Variants in CCDC178 observed in about 807,000 individuals in gnomAD.
CCDC178 encodes coiled-coil domain-containing protein 178.
CCDC178 carries 126 observed loss-of-function variants against 117.4 expected under a neutral mutation model. The observed-to-expected ratio is 1.07, with a 90% confidence interval of 0.93 to 1.24. The LOEUF is 1.24. Ranked by LOEUF, CCDC178 falls within the 50% of genes most tolerant of loss-of-function variation. The pLI is 0.00. For synonymous variants in CCDC178, 283 were observed against 313.4 expected, an observed-to-expected ratio of 0.90 and a Z score of 1.02; for missense variants, 1,030 against 986.9, an observed-to-expected ratio of 1.04 and a Z score of -0.59.
intron 10 of CCDC178, among the ~76,000 whole-genome samples, 160 bp from the exon 11 acceptor site, chr18:33,323,793 G>T (rs2062549408): frequency 6.6e-6 from 1 of 151,690 alleles, no homozygotes; most frequent in East Asian, 1.9e-4. Flanking sequence ...AGCCCTGACA[G>T]GCATTAATGC....
chr18:32,974,388 C>T (rs78221829), intron 22 of CCDC178, among the ~76,000 whole-genome samples, 159 bp downstream of exon 22: 1,832 of 152,240 alleles, frequency 0.012, 19 homozygotes, highest in Non-Finnish European at 0.021. Context: ...TATGTGCTAA[C>T]TTACTGAATT....
At position 33,406,100 on chromosome 18, in the gene CCDC178, C is replaced by T. The variant is rs184665339; in HGVS notation, c.58+5931G>A. On this transcript the variant is annotated intron_variant, in intron 3 of 22. Transcript: ENST00000383096. ...AGAGAGAGAAGTAAGATATTAGTAT[C>T]ATAAACTTTTCTAAGTGTTAAAAAG... is the stretch of plus-strand genomic sequence containing the variant. 6.6e-5 allele frequency among the ~76,000 whole-genome samples: 10 copies of T among 152,064 alleles called. No homozygotes were observed. In the East Asian group the frequency reaches 1.9e-3, roughly 29 times the overall value.
At chr18:33,356,272 A>G in intron 7 of CCDC178, 52 bp downstream of exon 7, 1 of 1,433,858 alleles carries the variant, frequency 7.0e-7, no homozygotes, top group Non-Finnish European at 9.4e-7. Context: ...CAGATGATTG[A>G]AATTTGGACA....
intron 22 of CCDC178, among the ~76,000 whole-genome samples, chr18:32,964,428 A>G (rs1369066466): frequency 6.6e-6 from 1 of 151,970 alleles, no homozygotes; most frequent in Non-Finnish European, 1.5e-5. Context: ...CAAGTTTGCA[A>G]TGACATCCAT....
At chr18:32,994,579 G>T (rs1204000350) in intron 21 of CCDC178, among the ~76,000 whole-genome samples, 1 of 152,170 alleles carries the variant, frequency 6.6e-6, no homozygotes, top group African/African-American at 2.4e-5. Flanking sequence ...GAAAATAGAA[G>T]TTGACACACA....
intron 3 of CCDC178, among the ~76,000 whole-genome samples, chr18:33,403,099 T>TG (rs1281102092): frequency 3.9e-5 from 6 of 152,130 alleles, no homozygotes; most frequent in African/African-American, 1.4e-4. Context: ...AAAAGACCCA[T>TG]GAAAGCCCTA....
At chr18:33,207,206 A>G (rs1248139197) in intron 20 of CCDC178, among the ~76,000 whole-genome samples, 4 of 152,164 alleles carry the variant, frequency 2.6e-5, no homozygotes, top group Admixed American at 1.3e-4. Flanking sequence ...TAGAAAAAGA[A>G]CTAAATAAAC....
chr18:33,305,790 C>T (rs576759968), intron 11 of CCDC178, among the ~76,000 whole-genome samples: 7 of 152,224 alleles, frequency 4.6e-5, no homozygotes, highest in African/African-American at 1.7e-4. Flanking sequence ...ACAAAGTGGC[C>T]TTGGCTTCTC....
intron 11 of CCDC178, among the ~76,000 whole-genome samples, chr18:33,314,200 CAAAAAAAA>C (rs869127341): frequency 2.2e-4 from 14 of 62,440 alleles, no homozygotes; most frequent in Admixed American, 8.1e-4. Context: ...GACTCCGTCT[CAAAAAAAA>C]AAAAAAAAAA....
At chr18:33,086,373 T>G (rs1330847812) in intron 21 of CCDC178, among the ~76,000 whole-genome samples, 1 of 150,878 alleles carries the variant, frequency 6.6e-6, no homozygotes, top group Non-Finnish European at 1.5e-5. Context: ...TCTTATGTTT[T>G]ATATATATGT....
intron 20 of CCDC178, among the ~76,000 whole-genome samples, chr18:33,123,859 T>C (rs959150071): frequency 6.6e-6 from 1 of 152,116 alleles, no homozygotes; most frequent in Admixed American, 6.6e-5. Flanking sequence ...TCAGCAAATA[T>C]ATTACAAAAA....
Position 33,040,103 on chromosome 18 carries a change from A to G in CCDC178, c.2388+52658T>C, listed in dbSNP as rs1397047900. ...TTGGAAACGTTTCCATTTGACTACA[A>G]TTTGATGAGTTAGTGTACACATGAA... is the stretch of plus-strand genomic sequence containing the variant. On this transcript the variant is annotated intron_variant, in intron 21 of 22. Transcript: ENST00000383096. Among the ~76,000 whole-genome samples the G allele has an allele frequency of 3.9e-5, 6 of 151,980 alleles. No homozygotes were observed. The East Asian group carries it at 9.7e-4, about 24-fold the overall frequency.
At chr18:33,297,143 T>G (rs890617413) in intron 11 of CCDC178, among the ~76,000 whole-genome samples, 3 of 151,760 alleles carry the variant, frequency 2.0e-5, no homozygotes, top group African/African-American at 7.3e-5. Context: ...TTGAAATAAA[T>G]GAAAATAGAA....
intron 20 of CCDC178, among the ~76,000 whole-genome samples, chr18:33,179,078 A>AAAAT (rs71159804): frequency 0.014 from 784 of 55,666 alleles, 23 homozygotes; most frequent in Non-Finnish European, 0.018. Context: ...AAAAAAAAAA[A>AAAAT]ATATATATAT....
chr18:33,065,150 A>G (rs548568063), intron 21 of CCDC178, among the ~76,000 whole-genome samples: 1 of 152,290 alleles, frequency 6.6e-6, no homozygotes, highest in South Asian at 2.1e-4. Context: ...AGAAAGTAGC[A>G]ATTAGATAGA....
intron 21 of CCDC178, among the ~76,000 whole-genome samples, chr18:33,001,031 T>C (rs899199166): frequency 2.0e-5 from 3 of 152,136 alleles, no homozygotes; most frequent in African/African-American, 4.8e-5. Context: ...GACAGCATAA[T>C]AAGATATAAA....
chr18:33,306,530 G>A (rs1248329187), intron 11 of CCDC178, among the ~76,000 whole-genome samples: 1 of 86,140 alleles, frequency 1.2e-5, no homozygotes, highest in African/African-American at 4.4e-5. Flanking sequence ...GGTTATATAT[G>A]GTTATATATA....
At chr18:32,944,650 C>G (rs2054307021) in intron 22 of CCDC178, among the ~76,000 whole-genome samples, 2 of 152,104 alleles carry the variant, frequency 1.3e-5, no homozygotes, top group East Asian at 1.9e-4. Flanking sequence ...GGGAAGTTTC[C>G]TGCTCACAAC....
chr18:33,311,928 C>T (rs74635700), intron 11 of CCDC178, among the ~76,000 whole-genome samples: 11,089 of 152,198 alleles, frequency 0.073, 487 homozygotes, highest in Non-Finnish European at 0.093. Flanking sequence ...AAGACAGCAC[C>T]TTTATTGAGC....
Sources: gnomAD v4.1 joint callset for allele counts (sites outside exome capture counted in the v4.1 genomes callset) on GRCh38, gnomAD v4.1.1 for gene constraint, MANE v1.5 for transcripts, NCBI Gene and HGNC (gene_info 2026-07-23, HGNC 2026-07-21) for gene names.